The following MYZAP variants were observed in gnomAD, a reference collection of about 807,000 sequenced individuals.
MYZAP encodes the protein GRINL1A complex locus upstream.
In MYZAP, 66 loss-of-function variants were observed where a neutral mutation model predicts 69.4. That is an observed-to-expected ratio of 0.95 (90% CI 0.78 to 1.17). The LOEUF (loss-of-function observed/expected upper bound fraction) is 1.17, where lower values mean the gene tolerates loss of function less well. Ranked by LOEUF, MYZAP falls within the 50% of genes most tolerant of loss-of-function variation. The pLI is 0.00. For synonymous variants in MYZAP, 256 were observed against 205.9 expected (o/e 1.24, Z -2.09); for missense variants, 611 against 556.2 (o/e 1.10, Z -0.99).
At chr15:57,657,673 C>T (rs1191339048) in intron 10 of MYZAP, among the ~76,000 whole-genome samples, 1 of 152,070 alleles carries the variant, frequency 6.6e-6, no homozygotes, top group African/African-American at 2.4e-5. Context: ...TGGAAATAAC[C>T]TTATTTCTCT....
chr15:57,617,916 C>G, intron 2 of MYZAP, 117 bp from the exon 3 acceptor site: 4 of 1,358,502 alleles, frequency 2.9e-6, no homozygotes, highest in Non-Finnish European at 3.9e-6. Context: ...ATCTCCACTG[C>G]CAGGCAATGA....
rs890496526 is a variant in MYZAP, at chr15:57,595,534, C to G, written c.75+3425C>G. Among the ~76,000 whole-genome samples, 10 of 143,970 alleles carry G rather than the reference C, an allele frequency of 6.9e-5. No individual in the cohort carries two copies. The East Asian group carries it at 7.1e-4, about 10-fold the overall frequency. The allele number at this position is 143,970 out of a possible 152,430, so 94.4% of individuals were successfully genotyped here. On this transcript the variant is annotated intron_variant, in intron 1 of 12. Coordinates refer to ENST00000267853, the MANE Select transcript of MYZAP (RefSeq NM_001018100.5). ...TTGTGTGGCTGGGTCGTGTGCTTTG[C>G]GGGGAAGGCATGTGTTGCTTTATGG... is the stretch of plus-strand genomic sequence containing the variant.
At chr15:57,593,366 T>C (rs1352255810) in intron 1 of MYZAP, among the ~76,000 whole-genome samples, 8 of 152,144 alleles carry the variant, frequency 5.3e-5, no homozygotes, top group Non-Finnish European at 1.0e-4. Context: ...TATTTTTCTA[T>C]GGAAATCTTT....
rs1304201477 is a variant in MYZAP at position 57,629,813 on chromosome 15, T to C, written c.637T>C (p.Leu213=). 8.7e-6 allele frequency: 14 copies of C among 1,613,804 alleles called. No homozygotes were observed. Among genetic ancestry groups the C allele is most frequent in the Non-Finnish European group, 1.1e-5 (13 of 1,179,982 alleles). ...CAAGCTGAGGGAAAAGCAGAGGCAGTTGGAGGTAGCGCAAGTTGAAAACCA... is the reference window on the plus strand; with the variant it reads ...CAAGCTGAGGGAAAAGCAGAGGCAGCTGGAGGTAGCGCAAGTTGAAAACCA... The part of the protein sequence containing the change: ...MDKLREKQRQ[L]EVAQVENQLL... Residue 213 remains leucine, a synonymous_variant, in exon 6 of 13, where the codon TTG becomes CTG. Transcript: ENST00000267853.
chr15:57,609,277 G>GA (rs2034957391), intron 2 of MYZAP, among the ~76,000 whole-genome samples: 1 of 152,220 alleles, frequency 6.6e-6, no homozygotes, highest in East Asian at 1.9e-4. Flanking sequence ...AGCAAAGCAT[G>GA]AAAAACGAGA....
At chr15:57,616,104 T>C (rs759855444) in intron 2 of MYZAP, among the ~76,000 whole-genome samples, 3 of 152,262 alleles carry the variant, frequency 2.0e-5, no homozygotes, top group Non-Finnish European at 2.9e-5. Context: ...TAGACCTTTC[T>C]TTGATTTTGC....
chr15:57,595,193 GA>G (rs1268584001), intron 1 of MYZAP, among the ~76,000 whole-genome samples: 135 of 150,172 alleles, frequency 9.0e-4, no homozygotes, highest in African/African-American at 3.1e-3. Context: ...ACCTCTCAAG[GA>G]AAAAAAAACC....
chr15:57,645,224 T>A (rs2037381763), intron 10 of MYZAP, among the ~76,000 whole-genome samples: 1 of 152,216 alleles, frequency 6.6e-6, no homozygotes, highest in African/African-American at 2.4e-5. Context: ...TCTCTTAGAT[T>A]TTTTTTAAAG....
At position 57,679,155 on chromosome 15, in the gene MYZAP, A is replaced by G. The variant is rs187827612; in HGVS notation, c.1304+4087A>G. On this transcript the variant is annotated intron_variant, in intron 12 of 12. Coordinates refer to ENST00000267853, the MANE Select transcript of MYZAP (RefSeq NM_001018100.5). ...CGCACCATTGTACTCCATCCTGGGC[A>G]ACAAGAGTGAAACTCCGTCTCAAAA... 5.3e-5 allele frequency among the ~76,000 whole-genome samples: 8 copies of G among 152,274 alleles called. No homozygotes were observed. In the East Asian group the frequency reaches 1.5e-3, roughly 29 times the overall value.
At chr15:57,652,716 G>A (rs2037790038) in intron 10 of MYZAP, among the ~76,000 whole-genome samples, 1 of 152,174 alleles carries the variant, frequency 6.6e-6, no homozygotes, top group African/African-American at 2.4e-5. Flanking sequence ...GGCAGAGGGA[G>A]ACGACGGCTG....
rs536105095 is a variant in MYZAP at position 57,598,986 on chromosome 15, G to A, written c.76-5283G>A. ...ATATTCCCACCTCCCATTAAGATTA[G>A]TGTTCTTCTTCCTATATTCCCATGA... On this transcript the variant is annotated intron_variant, in intron 1 of 12. Transcript: ENST00000267853. Among the ~76,000 whole-genome samples, 12 of 152,254 alleles carry A rather than the reference G, an allele frequency of 7.9e-5. No individual in the cohort carries two copies. In the East Asian group the frequency reaches 1.7e-3, roughly 22 times the overall value.
At chr15:57,647,331 A>T in intron 10 of MYZAP, 1 of 985,408 alleles carries the variant, frequency 1.0e-6, no homozygotes, top group Non-Finnish European at 1.2e-6. Flanking sequence ...TCAGACTTCC[A>T]CTAGGGAGAC....
intron 7 of MYZAP, 51 bp from the exon 8 acceptor site, chr15:57,633,562 G>A: frequency 6.4e-7 from 1 of 1,560,486 alleles, no homozygotes; most frequent in Non-Finnish European, 8.7e-7. Context: ...ATCCCGGTGA[G>A]TAGCCTCGGT....
At chr15:57,660,731 G>A (rs776231359) in intron 10 of MYZAP, among the ~76,000 whole-genome samples, 3 of 152,114 alleles carry the variant, frequency 2.0e-5, no homozygotes, top group South Asian at 2.1e-4. Flanking sequence ...TGCATAACAC[G>A]GCCTGGTACA....
At chr15:57,603,457 G>A (rs2034543654) in intron 1 of MYZAP, among the ~76,000 whole-genome samples, 1 of 152,080 alleles carries the variant, frequency 6.6e-6, no homozygotes, top group Admixed American at 6.5e-5. Context: ...ATCTTCCCAA[G>A]CTGGGATTCC....
intron 10 of MYZAP, among the ~76,000 whole-genome samples, chr15:57,652,609 T>C (rs546665178): frequency 4.6e-5 from 7 of 152,268 alleles, no homozygotes; most frequent in African/African-American, 1.4e-4. Context: ...CCAGACACAA[T>C]TCCTCTTTTG....
chr15:57,593,591 T>G (rs2033865474), intron 1 of MYZAP, among the ~76,000 whole-genome samples: 1 of 152,186 alleles, frequency 6.6e-6, no homozygotes, highest in Non-Finnish European at 1.5e-5. Flanking sequence ...CTGAAGATTT[T>G]GGGTCAAACG....
chr15:57,641,636 G>A (rs1395081126), intron 10 of MYZAP, among the ~76,000 whole-genome samples: 1 of 152,118 alleles, frequency 6.6e-6, no homozygotes, highest in Non-Finnish European at 1.5e-5. Context: ...CACAGTGAAT[G>A]TAGACCACCA....
intron 11 of MYZAP, among the ~76,000 whole-genome samples, chr15:57,663,114 T>C (rs1229656819): frequency 2.0e-5 from 3 of 152,120 alleles, no homozygotes; most frequent in Non-Finnish European, 2.9e-5. Flanking sequence ...ATGAGTGCCC[T>C]AGTGGAAGCC....
Sources: allele counts gnomAD v4.1 joint callset (sites outside exome capture counted in the v4.1 genomes callset), GRCh38; gene constraint gnomAD v4.1.1; transcripts MANE v1.5; gene names NCBI Gene and HGNC (gene_info 2026-07-23, HGNC 2026-07-21).